The following TENM1 variants were observed in gnomAD, a reference collection of about 807,000 sequenced individuals.
The protein encoded by TENM1 is teneurin transmembrane protein 1.
TENM1 carries 35 observed loss-of-function variants against 174.8 expected under a neutral mutation model. That is an observed-to-expected ratio of 0.20 (90% confidence interval 0.15 to 0.27). The LOEUF is 0.27. TENM1 is among the 10% of genes least tolerant of loss of function. TENM1 has a pLI of 1.00. For synonymous variants in TENM1, 781 were observed against 798.7 expected (o/e 0.98, Z 0.37); for missense variants, 1,633 against 2,130.1 (o/e 0.77, Z 4.59).
At chrX:125,027,348 A>G in the TENM1 span, among the ~76,000 whole-genome samples, 8 of 112,098 alleles carry the variant, frequency 7.1e-5, no homozygotes, top group Non-Finnish European at 3.8e-5. Flanking sequence ...AACCTAATAA[A>G]TCTAGTAAAA....
At chrX:125,006,099 G>C in the TENM1 span, among the ~76,000 whole-genome samples, 4 of 112,109 alleles carry the variant, frequency 3.6e-5, no homozygotes, top group Non-Finnish European at 7.5e-5. Context: ...ACGGAGCTTA[G>C]CAAGCTGAGA....
intron 3 of TENM1, among the ~76,000 whole-genome samples, chrX:124,761,939 T>C (rs1398516073): frequency 1.8e-5 from 2 of 112,265 alleles, no homozygotes; most frequent in Non-Finnish European, 3.8e-5. Context: ...TTAAATTTTA[T>C]TTTTTCATTT....
intron 5 of TENM1, 96 bp downstream of exon 8, chrX:124,704,917 A>G: frequency 1.6e-6 from 1 of 636,707 alleles, no homozygotes; most frequent in Non-Finnish European, 2.5e-6. Context: ...CCAAATGTGT[A>G]CATGCCAGAA....
chrX:125,086,703 A>C, the TENM1 span, among the ~76,000 whole-genome samples: 1 of 111,142 alleles, frequency 9.0e-6, no homozygotes, highest in African/African-American at 3.3e-5. Context: ...CATTAAAAAA[A>C]GAAGAATAAG....
intron 1 of TENM1, among the ~76,000 whole-genome samples, chrX:124,921,963 CATTTAG>C (rs759195093): frequency 8.9e-6 from 1 of 111,737 alleles, no homozygotes; most frequent in African/African-American, 3.2e-5. Context: ...TCTGCCTTTC[CATTTAG>C]ATTTAATTAC....
At chrX:125,100,394 G>A in the TENM1 span, among the ~76,000 whole-genome samples, 2 of 111,482 alleles carry the variant, frequency 1.8e-5, no homozygotes, top group African/African-American at 3.3e-5. Flanking sequence ...TAAAATGGAC[G>A]ATACAAAAGA....
chrX:124,492,755 G>T (rs910420871), intron 20 of TENM1, among the ~76,000 whole-genome samples: 2 of 110,272 alleles, frequency 1.8e-5, no homozygotes, highest in African/African-American at 3.3e-5. Flanking sequence ...TAATGCAGGG[G>T]ATATTAACCA....
At chrX:125,121,625 T>C in the TENM1 span, among the ~76,000 whole-genome samples, 1 of 112,187 alleles carries the variant, frequency 8.9e-6, no homozygotes, top group African/African-American at 3.2e-5. Flanking sequence ...CAGTAGCATA[T>C]ATACACTATG....
chrX:124,985,737 GA>G, the TENM1 span, among the ~76,000 whole-genome samples: 20 of 110,919 alleles, frequency 1.8e-4, no homozygotes, highest in Non-Finnish European at 2.3e-4. Context: ...CAGTTTAAGG[GA>G]AAAAAAACTA....
At chrX:124,851,759 T>C (rs113162013) in intron 3 of TENM1, among the ~76,000 whole-genome samples, 6 of 111,497 alleles carry the variant, frequency 5.4e-5, no homozygotes, top group African/African-American at 1.6e-4. Flanking sequence ...ATGATCATCA[T>C]ATCATACCTT....
intron 5 of TENM1, 142 bp downstream of exon 8, chrX:124,704,868 AAAG>A: frequency 2.1e-6 from 1 of 468,690 alleles, no homozygotes; most frequent in Non-Finnish European, 3.7e-6. Flanking sequence ...GAAAAAAAAA[AAAG>A]AAGAAAATCA....
At chrX:124,517,109 G>T (rs1402095229) in intron 18 of TENM1, among the ~76,000 whole-genome samples, 1 of 110,640 alleles carries the variant, frequency 9.0e-6, no homozygotes, top group Non-Finnish European at 1.9e-5. Flanking sequence ...GATAACTCAT[G>T]GACACAAAGA....
chrX:124,482,709 T>C (rs1332266341), intron 21 of TENM1, among the ~76,000 whole-genome samples: 1 of 112,360 alleles, frequency 8.9e-6, no homozygotes, highest in African/African-American at 3.2e-5. Flanking sequence ...CTGGCATTCT[T>C]GAAACTTTTC....
chrX:124,890,847 G>C (rs1211441678), intron 3 of TENM1, among the ~76,000 whole-genome samples: 1 of 111,088 alleles, frequency 9.0e-6, no homozygotes, highest in Non-Finnish European at 1.9e-5. Flanking sequence ...GCAAAAGAAA[G>C]GAAACATATC....
At chrX:125,195,758 A>C in the TENM1 span, among the ~76,000 whole-genome samples, 5 of 111,102 alleles carry the variant, frequency 4.5e-5, no homozygotes, top group Non-Finnish European at 7.6e-5. Flanking sequence ...CCTACCCAAG[A>C]TAACTGAAAG....
At chrX:125,133,956 T>C in the TENM1 span, among the ~76,000 whole-genome samples, 1 of 111,460 alleles carries the variant, frequency 9.0e-6, no homozygotes, top group African/African-American at 3.3e-5. Flanking sequence ...TCTGTTTAGA[T>C]ATCAGTTGGT....
At chrX:125,063,228 T>A in the TENM1 span, among the ~76,000 whole-genome samples, 1 of 111,872 alleles carries the variant, frequency 8.9e-6, no homozygotes, top group Admixed American at 9.5e-5. Flanking sequence ...CAAAGAGACT[T>A]CAAAACGTTC....
At chrX:124,553,681 A>C (rs2048631295) in intron 14 of TENM1, among the ~76,000 whole-genome samples, 2 of 108,790 alleles carry the variant, frequency 1.8e-5, no homozygotes, top group South Asian at 8.1e-4. Flanking sequence ...CTTCTATCAT[A>C]ATATGTATTT....
chrX:124,864,601 C>T (rs373574389), intron 3 of TENM1, among the ~76,000 whole-genome samples: 46 of 111,319 alleles, frequency 4.1e-4, no homozygotes, highest in Admixed American at 3.8e-3. Flanking sequence ...AGCATGACTA[C>T]AGGATCTAGA....
Sources: gnomAD v4.1 joint callset for allele counts (sites outside exome capture counted in the v4.1 genomes callset) on GRCh38, gnomAD v4.1.1 for gene constraint, MANE v1.5 for transcripts, NCBI Gene and HGNC (gene_info 2026-07-23, HGNC 2026-07-21) for gene names.